Variants in SLC24A2 observed in about 807,000 individuals in gnomAD.
The protein encoded by SLC24A2 is sodium/potassium/calcium exchanger 2.
In SLC24A2, 36 loss-of-function variants were observed where a neutral mutation model predicts 62.0. The ratio of observed to expected loss-of-function variants is 0.58; its 90% confidence interval spans 0.44 to 0.77. SLC24A2 has a LOEUF of 0.77. Ranked by LOEUF, SLC24A2 falls within the 30% of genes least tolerant of loss-of-function variation. SLC24A2 has a pLI of 0.00. For missense variants in SLC24A2, 846 were observed against 817.9 expected (o/e 1.03, Z -0.42); for synonymous variants, 358 against 294.0 (o/e 1.22, Z -2.23).
At chr9:20,164,036 A>G in the SLC24A2 span, among the ~76,000 whole-genome samples, 1 of 152,194 alleles carries the variant, frequency 6.6e-6, no homozygotes, top group Non-Finnish European at 1.5e-5. Flanking sequence ...ACCCTAGAAG[A>G]AAACCTAGGC....
chr9:19,533,326 C>T (rs906291037), intron 8 of SLC24A2, among the ~76,000 whole-genome samples: 1 of 152,138 alleles, frequency 6.6e-6, no homozygotes, highest in African/African-American at 2.4e-5. Context: ...TATGTATTTT[C>T]TCAAGAGGTC....
At chr9:19,527,973 A>T (rs753170772) in intron 9 of SLC24A2, 76 bp downstream of exon 9, 11 of 939,670 alleles carry the variant, frequency 1.2e-5, no homozygotes, top group Non-Finnish European at 1.9e-5. Context: ...TGCAGAAAGC[A>T]AACACAATGA....
At chr9:20,008,215 C>T in the SLC24A2 span, among the ~76,000 whole-genome samples, 2 of 151,960 alleles carry the variant, frequency 1.3e-5, no homozygotes, top group African/African-American at 4.8e-5. Context: ...TCTCTTAAGC[C>T]TGACTCTGGG....
At chr9:20,273,056 C>G in the SLC24A2 span, among the ~76,000 whole-genome samples, 1 of 152,212 alleles carries the variant, frequency 6.6e-6, no homozygotes, top group Non-Finnish European at 1.5e-5. Context: ...GTGACTTCCA[C>G]AGTGTGAGGC....
chr9:19,545,389 G>T (rs572710243), intron 8 of SLC24A2, among the ~76,000 whole-genome samples: 36 of 152,004 alleles, frequency 2.4e-4, no homozygotes, highest in African/African-American at 8.2e-4. Flanking sequence ...CTTTAGCTCA[G>T]AGGAGTTTGT....
At chr9:19,907,013 G>C in the SLC24A2 span, among the ~76,000 whole-genome samples, 1 of 152,114 alleles carries the variant, frequency 6.6e-6, no homozygotes, top group Non-Finnish European at 1.5e-5. Flanking sequence ...GCCTGGCAGA[G>C]ACACAACCAA....
intron 4 of SLC24A2, among the ~76,000 whole-genome samples, chr9:19,602,559 T>G (rs146543420): frequency 6.6e-6 from 1 of 152,322 alleles, no homozygotes; most frequent in African/African-American, 2.4e-5. Context: ...ATTTAAAGAA[T>G]GTACAACTCA....
At chr9:19,554,368 C>T (rs551312292) in intron 7 of SLC24A2, among the ~76,000 whole-genome samples, 1 of 152,332 alleles carries the variant, frequency 6.6e-6, no homozygotes, top group Non-Finnish European at 1.5e-5. Context: ...ATTAGGCATT[C>T]TAAGCAATCT....
At chr9:19,721,999 C>G (rs552332999) in intron 2 of SLC24A2, among the ~76,000 whole-genome samples, 1 of 152,070 alleles carries the variant, frequency 6.6e-6, no homozygotes, top group Non-Finnish European at 1.5e-5. Context: ...TTGCATAATA[C>G]TTTTCCAAAT....
chr9:20,259,293 C>A, the SLC24A2 span, among the ~76,000 whole-genome samples: 1,731 of 152,268 alleles, frequency 0.011, 34 homozygotes, highest in African/African-American at 0.04. Flanking sequence ...TTAAGCCACA[C>A]AATTTGTGGT....
chr9:19,576,972 A>C lies in SLC24A2; in HGVS notation c.1180T>G (p.Cys394Gly), dbSNP rs1482871876. Residue 394 changes from cysteine (C) to glycine (G), a missense_variant, in exon 6 of 11, where the codon TGT becomes GGT. Coordinates refer to ENST00000341998, the MANE Select transcript of SLC24A2 (RefSeq NM_020344.4). ...SILHKIAKKKCHVDENERQNG... is the reference protein window; with the variant it reads ...SILHKIAKKKGHVDENERQNG... ...TGCCTCTCGTTCTCATCCACATGAC[A>C]TTTCTTCTTGGCGATCTTGTGGAGA... 1 of 1,614,100 alleles carries C rather than the reference A, an allele frequency of 6.2e-7. No homozygotes were observed. Among genetic ancestry groups the C allele is most frequent in the South Asian group, 1.1e-5 (1 of 91,076 alleles).
chr9:20,158,366 G>A, the SLC24A2 span, among the ~76,000 whole-genome samples: 1 of 151,642 alleles, frequency 6.6e-6, no homozygotes, highest in African/African-American at 2.4e-5. Context: ...CCTTTAGTAG[G>A]TGATTAGGTC....
intron 2 of SLC24A2, among the ~76,000 whole-genome samples, chr9:19,739,254 A>G (rs542446834): frequency 3.9e-5 from 6 of 152,278 alleles, no homozygotes; most frequent in Non-Finnish European, 8.8e-5. Context: ...CAGAGATTCT[A>G]TATTGTAAAT....
rs147939168 is a variant in SLC24A2, at chr9:19,547,989, G to C, written c.1479+2148C>G. Among the ~76,000 whole-genome samples the C allele has an allele frequency of 7.1e-4, 107 of 151,722 alleles. 5 individuals are homozygous for C. The highest frequency in any genetic ancestry group is 2.5e-3 in the African/African-American group (102 of 41,004). On this transcript the variant is annotated intron_variant, in intron 8 of 10. Coordinates refer to ENST00000341998, the MANE Select transcript of SLC24A2 (RefSeq NM_020344.4). The stretch of plus-strand genomic sequence containing the variant: ...TGCAGATGCTGTAAAATGGTATCTT[G>C]AATAAAGAAACTTAAATATTGCTTT...
intron 4 of SLC24A2, among the ~76,000 whole-genome samples, chr9:19,604,438 G>A (rs1389353192): frequency 6.6e-6 from 1 of 152,214 alleles, no homozygotes; most frequent in Non-Finnish European, 1.5e-5. Flanking sequence ...GCTGGCTAGA[G>A]AACAACTTGG....
chr9:19,838,858 A>T, the SLC24A2 span, among the ~76,000 whole-genome samples: 2 of 151,654 alleles, frequency 1.3e-5, no homozygotes, highest in African/African-American at 4.8e-5. Context: ...AAACACCAAA[A>T]GCAATGGCAA....
At chr9:20,104,942 T>C in the SLC24A2 span, among the ~76,000 whole-genome samples, 1 of 152,216 alleles carries the variant, frequency 6.6e-6, no homozygotes, top group Non-Finnish European at 1.5e-5. Flanking sequence ...TGTGCTGTAT[T>C]CAGGAAACCC....
the SLC24A2 span, among the ~76,000 whole-genome samples, chr9:20,217,153 T>C: frequency 6.6e-6 from 1 of 152,330 alleles, no homozygotes; most frequent in East Asian, 1.9e-4. Context: ...GAAAAATCTG[T>C]ACCTACACTC....
chr9:20,294,876 C>T, the SLC24A2 span, among the ~76,000 whole-genome samples: 3 of 152,072 alleles, frequency 2.0e-5, no homozygotes, highest in African/African-American at 7.2e-5. Context: ...CTCTTCCTTT[C>T]CCAAACCTCA....
Sources: allele counts gnomAD v4.1 joint callset (sites outside exome capture counted in the v4.1 genomes callset), GRCh38; gene constraint gnomAD v4.1.1; transcripts MANE v1.5; gene names NCBI Gene and HGNC (gene_info 2026-07-23, HGNC 2026-07-21).